ANK2: variants seen among roughly 807,000 people sequenced by gnomAD.
The protein encoded by ANK2 is ankyrin 2, also known as ankyrin-2.
In ANK2, 83 loss-of-function variants were observed where a neutral mutation model predicts 360.5. The observed-to-expected ratio is 0.23, with a 90% CI of 0.19 to 0.28. The LOEUF (loss-of-function observed/expected upper bound fraction) is 0.28, where lower values mean the gene tolerates loss of function less well. Ranked by LOEUF, ANK2 falls within the 10% of genes least tolerant of loss-of-function variation. The pLI is 1.00. For missense variants in ANK2, 4,201 were observed against 4,795.7 expected, an observed-to-expected ratio of 0.88 and a Z score of 3.66; for synonymous variants, 1,740 against 1,759.5, an observed-to-expected ratio of 0.99 and a Z score of 0.28.
chr4:113,348,206 T>A, intron 35 of ANK2, 70 bp from the exon 36 acceptor site: 1 of 1,516,236 alleles, frequency 6.6e-7, no homozygotes, highest in Non-Finnish European at 9.2e-7. Flanking sequence ...ACTCTTTCCT[T>A]TTCTTCTAAA....
At chr4:112,950,144 C>T (rs1244003229) in intron 2 of ANK2, among the ~76,000 whole-genome samples, 1 of 152,124 alleles carries the variant, frequency 6.6e-6, no homozygotes, top group East Asian at 1.9e-4. Context: ...CTCCATGCTT[C>T]ACTTCTTACC....
intron 1 of ANK2, among the ~76,000 whole-genome samples, chr4:112,855,981 G>A (rs1212873544): frequency 6.6e-6 from 1 of 152,194 alleles, no homozygotes; most frequent in Non-Finnish European, 1.5e-5. Context: ...AAGTTTAGAT[G>A]TGGGTGCCCG....
At chr4:113,285,551 G>C (rs1193150749) in intron 18 of ANK2, among the ~76,000 whole-genome samples, 2 of 152,180 alleles carry the variant, frequency 1.3e-5, no homozygotes, top group Non-Finnish European at 1.5e-5. Context: ...AAAGGATGAA[G>C]ATGAGGAGAC....
intron 39 of ANK2, 104 bp from the exon 40 acceptor site, chr4:113,363,234 T>G: frequency 8.6e-7 from 1 of 1,157,904 alleles, no homozygotes; most frequent in East Asian, 2.5e-5. Context: ...ACTCAAATAC[T>G]CACCACAATA....
chr4:113,258,595 G>T (rs996797752), intron 13 of ANK2, among the ~76,000 whole-genome samples, 184 bp downstream of exon 13: 3 of 151,996 alleles, frequency 2.0e-5, no homozygotes, highest in South Asian at 2.1e-4. Context: ...ACCTGGATAG[G>T]GTAAGAGGTG....
chr4:112,710,159 C>G, the ANK2 span, among the ~76,000 whole-genome samples: 3 of 152,180 alleles, frequency 2.0e-5, no homozygotes, highest in Non-Finnish European at 4.4e-5. Flanking sequence ...GCTACATACT[C>G]AAGTTCATAG....
At chr4:112,712,647 T>C in the ANK2 span, among the ~76,000 whole-genome samples, 3 of 151,750 alleles carry the variant, frequency 2.0e-5, no homozygotes, top group Admixed American at 6.6e-5. Context: ...GACCTCATGA[T>C]CCGCCCACCT....
chr4:112,879,575 T>C (rs2150400926), intron 1 of ANK2, among the ~76,000 whole-genome samples: 1 of 152,316 alleles, frequency 6.6e-6, no homozygotes, highest in South Asian at 2.1e-4. Flanking sequence ...ATAATAAATG[T>C]TTGGGTTTCT....
chr4:112,820,528 T>G (rs2056703322), intron 1 of ANK2, among the ~76,000 whole-genome samples: 1 of 152,256 alleles, frequency 6.6e-6, no homozygotes, highest in Admixed American at 6.5e-5. Flanking sequence ...TGCTGTGTAA[T>G]TATTAGCATA....
At chr4:112,768,413 C>G in the ANK2 span, among the ~76,000 whole-genome samples, 5 of 151,998 alleles carry the variant, frequency 3.3e-5, no homozygotes, top group South Asian at 1.0e-3. Flanking sequence ...GCCACCATGC[C>G]CAGTTAATTT....
chr4:112,923,266 A>G (rs1035087938), intron 2 of ANK2, among the ~76,000 whole-genome samples: 2 of 152,194 alleles, frequency 1.3e-5, no homozygotes, highest in Admixed American at 1.3e-4. Flanking sequence ...GAGTTATTTT[A>G]AAGTGTTTTT....
chr4:112,920,328 T>G (rs2151159566), intron 2 of ANK2, among the ~76,000 whole-genome samples: 1 of 152,324 alleles, frequency 6.6e-6, no homozygotes, highest in African/African-American at 2.4e-5. Context: ...TGAGATGGTT[T>G]TAGGGAGAGA....
chr4:113,260,108 C>A (rs1173440507), intron 13 of ANK2, among the ~76,000 whole-genome samples: 1 of 152,102 alleles, frequency 6.6e-6, no homozygotes, highest in Non-Finnish European at 1.5e-5. Flanking sequence ...GAATTAATCT[C>A]TTTTAGTGGA....
At chr4:112,924,141 G>A (rs753401442) in intron 2 of ANK2, among the ~76,000 whole-genome samples, 34 of 152,118 alleles carry the variant, frequency 2.2e-4, no homozygotes, top group Non-Finnish European at 2.8e-4. Flanking sequence ...AGGCCGAGGC[G>A]TGGGGATCAC....
chr4:113,237,736 A>T, intron 7 of ANK2, 114 bp downstream of exon 7: 1 of 1,016,718 alleles, frequency 9.8e-7, no homozygotes, highest in Admixed American at 1.8e-5. Context: ...TTAATGGGAA[A>T]TTAATTTGAA....
At chr4:112,894,900 G>C (rs749371421) in intron 1 of ANK2, among the ~76,000 whole-genome samples, 11 of 152,178 alleles carry the variant, frequency 7.2e-5, no homozygotes, top group Non-Finnish European at 1.6e-4. Flanking sequence ...TTGATGTACA[G>C]TATTTCTTTT....
chr4:113,269,110 C>T (rs7675622), intron 14 of ANK2, among the ~76,000 whole-genome samples: 61,197 of 151,942 alleles, frequency 0.4, 13,299 homozygotes, highest in Non-Finnish European at 0.5. Context: ...TCTGTAATGG[C>T]GGACGCCCCT....
rs138744003 is a variant in ANK2, at chr4:113,135,177, G to C, written c.85-39239G>C. On this transcript the variant is annotated intron_variant, in intron 1 of 45. Coordinates refer to ENST00000357077, the MANE Select transcript of ANK2 (RefSeq NM_001148.6). ...AGATGCCATATTATTGGTGGCTGTT[G>C]TCTCTAAAAGGTTAGCATTTGCTTT... 6.4e-3 allele frequency among the ~76,000 whole-genome samples: 976 copies of C among 152,290 alleles called. 7 individuals carry two copies. The highest frequency in any genetic ancestry group is 9.7e-3 in the Non-Finnish European group (662 of 68,018).
intron 2 of ANK2, among the ~76,000 whole-genome samples, chr4:112,958,531 C>G (rs1022827738): frequency 6.6e-6 from 1 of 152,094 alleles, no homozygotes; most frequent in Non-Finnish European, 1.5e-5. Flanking sequence ...TGCAGCGAGC[C>G]GAGATGGCAG....
Sources: gnomAD v4.1 joint callset for allele counts (sites outside exome capture counted in the v4.1 genomes callset) on GRCh38, gnomAD v4.1.1 for gene constraint, MANE v1.5 for transcripts, NCBI Gene and HGNC (gene_info 2026-07-23, HGNC 2026-07-21) for gene names.